Variants in CSMD3 observed in about 807,000 individuals in gnomAD.
CSMD3 encodes CUB and sushi domain-containing protein 3.
Under a neutral mutation model 435.2 loss-of-function variants are expected in CSMD3, and 177 were observed. The ratio of observed to expected loss-of-function variants is 0.41; its 90% CI spans 0.36 to 0.46. CSMD3 has a LOEUF of 0.46. CSMD3 is among the 20% of genes least tolerant of loss of function. The pLI, the probability that CSMD3 is intolerant of heterozygous loss-of-function variation, is 0.34. For missense variants in CSMD3, 4,265 were observed against 4,504.6 expected, an observed-to-expected ratio of 0.95 and a Z score of 1.52; for synonymous variants, 1,656 against 1,520.5, an observed-to-expected ratio of 1.09 and a Z score of -2.07.
chr8:112,495,388 A>G (rs1821236266), intron 30 of CSMD3, among the ~76,000 whole-genome samples: 1 of 152,178 alleles, frequency 6.6e-6, no homozygotes, highest in Non-Finnish European at 1.5e-5. Context: ...CAATGTTTCA[A>G]TATAATGTCA....
chr8:112,504,128 C>A (rs1000610181), intron 29 of CSMD3, 151 bp from the exon 30 acceptor site: 3 of 546,474 alleles, frequency 5.5e-6, no homozygotes, highest in Admixed American at 7.1e-5. Context: ...TAAAAAATCA[C>A]CTGGCAACAA....
intron 1 of CSMD3, among the ~76,000 whole-genome samples, chr8:113,351,402 C>T (rs942774883): frequency 6.6e-6 from 1 of 151,886 alleles, no homozygotes; most frequent in Non-Finnish European, 1.5e-5. Context: ...ATTGCCCTCA[C>T]CTATAAAATA....
chr8:113,435,619 C>T (rs541298027), intron 1 of CSMD3, among the ~76,000 whole-genome samples: 301 of 151,830 alleles, frequency 2.0e-3, no homozygotes, highest in Admixed American at 3.9e-3. Flanking sequence ...CGATCCCCCG[C>T]CCCCCCGCGA....
At chr8:113,161,837 A>G (rs2092045865) in intron 4 of CSMD3, among the ~76,000 whole-genome samples, 1 of 152,114 alleles carries the variant, frequency 6.6e-6, no homozygotes, top group South Asian at 2.1e-4. Flanking sequence ...TTTTCTCTAC[A>G]TTTATCTTTA....
chr8:112,276,267 T>C (rs1042056754), intron 59 of CSMD3, among the ~76,000 whole-genome samples: 1 of 152,308 alleles, frequency 6.6e-6, no homozygotes, highest in African/African-American at 2.4e-5. Flanking sequence ...GCTCCACCCC[T>C]GTGGCTTTGC....
chr8:112,651,186 T>C (rs1035051664), intron 18 of CSMD3, among the ~76,000 whole-genome samples: 2 of 152,182 alleles, frequency 1.3e-5, no homozygotes, highest in African/African-American at 2.4e-5. Context: ...TTTCTTCCTA[T>C]ATAGGATATT....
At chr8:113,110,031 T>C (rs893279579) in intron 4 of CSMD3, among the ~76,000 whole-genome samples, 10 of 152,130 alleles carry the variant, frequency 6.6e-5, no homozygotes, top group Non-Finnish European at 1.0e-4. Flanking sequence ...TTCTTTGAAA[T>C]TGTTCTCCTC....
At position 112,312,593 on chromosome 8, in the gene CSMD3, A is replaced by G. The variant is rs923606890; in HGVS notation, c.7696+1313T>C. ...TTTAAAACACGTCTACTTTGATTGC[A>G]TAATAAATTATTTTTGATTTAATAG... On this transcript the variant is annotated intron_variant, in intron 49 of 70. Coordinates refer to ENST00000297405, the MANE Select transcript of CSMD3 (RefSeq NM_198123.2). Among the ~76,000 whole-genome samples the G allele has an allele frequency of 3.3e-5, 5 of 152,246 alleles. No homozygotes were observed. In the East Asian group the frequency reaches 9.7e-4, roughly 29 times the overall value.
intron 38 of CSMD3, among the ~76,000 whole-genome samples, chr8:112,375,170 G>A (rs1378380631): frequency 4.6e-5 from 7 of 152,040 alleles, no homozygotes; most frequent in African/African-American, 1.7e-4. Context: ...TTCTTTGATT[G>A]CTTGTTTTAT....
intron 5 of CSMD3, among the ~76,000 whole-genome samples, chr8:113,053,619 T>C (rs190139167): frequency 7.9e-5 from 12 of 152,118 alleles, no homozygotes; most frequent in African/African-American, 2.4e-4. Flanking sequence ...CAAGTGAAAA[T>C]TGAATTATAA....
At chr8:112,270,343 A>AGTGTGTGT (rs10577337) in intron 59 of CSMD3, among the ~76,000 whole-genome samples, 78 of 124,306 alleles carry the variant, frequency 6.3e-4, no homozygotes, top group South Asian at 9.5e-4. Flanking sequence ...CAGAGGGGTG[A>AGTGTGTGT]GTGTGTGTGT....
intron 13 of CSMD3, among the ~76,000 whole-genome samples, chr8:112,765,114 C>T (rs2077943821): frequency 6.6e-6 from 1 of 151,266 alleles, no homozygotes; most frequent in Non-Finnish European, 1.5e-5. Flanking sequence ...AGATTTTACA[C>T]AACAGATGAC....
intron 32 of CSMD3, among the ~76,000 whole-genome samples, chr8:112,466,894 A>T (rs1055062433): frequency 1.5e-4 from 23 of 152,280 alleles, no homozygotes; most frequent in South Asian, 6.2e-4. Context: ...TATATTTTTT[A>T]AAAAATTATA....
intron 4 of CSMD3, among the ~76,000 whole-genome samples, chr8:113,135,009 T>A (rs965581723): frequency 3.9e-5 from 6 of 151,986 alleles, no homozygotes; most frequent in Non-Finnish European, 7.4e-5. Flanking sequence ...TCTAATCCAG[T>A]CTCATGAGAA....
chr8:112,279,905 G>A (rs768568108), intron 59 of CSMD3, among the ~76,000 whole-genome samples: 2 of 152,068 alleles, frequency 1.3e-5, no homozygotes, highest in Admixed American at 6.6e-5. Flanking sequence ...CAAAATATAC[G>A]TGGGTATCTC....
intron 22 of CSMD3, among the ~76,000 whole-genome samples, chr8:112,632,507 A>G (rs1171290427): frequency 1.3e-5 from 2 of 152,050 alleles, no homozygotes; most frequent in Non-Finnish European, 2.9e-5. Context: ...TTCTTAAAAT[A>G]TGTGGACTCC....
chr8:112,416,210 C>T (rs900687593), intron 32 of CSMD3, among the ~76,000 whole-genome samples: 23 of 152,040 alleles, frequency 1.5e-4, no homozygotes, highest in Non-Finnish European at 2.5e-4. Flanking sequence ...GGGTGGTTTC[C>T]CCATAGCTGT....
At chr8:112,267,955 T>A (rs1404992261) in intron 59 of CSMD3, among the ~76,000 whole-genome samples, 3 of 151,796 alleles carry the variant, frequency 2.0e-5, no homozygotes, top group Non-Finnish European at 4.4e-5. Flanking sequence ...AGGCTTTTGG[T>A]TTTTTCAGGA....
At chr8:112,477,854 C>G (rs1819220351) in intron 31 of CSMD3, among the ~76,000 whole-genome samples, 1 of 152,116 alleles carries the variant, frequency 6.6e-6, no homozygotes, top group African/African-American at 2.4e-5. Context: ...TAGAAAATTC[C>G]TATCAAGCTG....
Sources: allele counts gnomAD v4.1 joint callset (sites outside exome capture counted in the v4.1 genomes callset), GRCh38; gene constraint gnomAD v4.1.1; transcripts MANE v1.5; gene names NCBI Gene and HGNC (gene_info 2026-07-23, HGNC 2026-07-21).